GPC5: variants seen among roughly 807,000 people sequenced by gnomAD.
GPC5 encodes the protein glypican-5.
In GPC5, 47 loss-of-function variants were observed where a neutral mutation model predicts 53.9. The observed-to-expected ratio is 0.87, with a 90% confidence interval of 0.69 to 1.11. The LOEUF is 1.11. Ranked by LOEUF, GPC5 falls within the 50% of genes most tolerant of loss-of-function variation. GPC5 has a pLI of 0.00. For missense variants in GPC5, 748 were observed against 713.1 expected (o/e 1.05, Z -0.56); for synonymous variants, 286 against 263.3 (o/e 1.09, Z -0.84).
chr13:92,144,047 T>G (rs993287727), intron 6 of GPC5, among the ~76,000 whole-genome samples: 3 of 152,176 alleles, frequency 2.0e-5, no homozygotes, highest in African/African-American at 7.2e-5. Context: ...ACTATCTTAA[T>G]CAGGCTTAGT....
At chr13:92,483,679 ATT>A (rs1191239456) in intron 7 of GPC5, among the ~76,000 whole-genome samples, 2 of 152,106 alleles carry the variant, frequency 1.3e-5, no homozygotes, top group African/African-American at 4.8e-5. Flanking sequence ...TTACTTTATA[ATT>A]TTGTTTTTTA....
intron 6 of GPC5, among the ~76,000 whole-genome samples, chr13:91,990,364 T>G (rs1268590278): frequency 6.6e-6 from 1 of 152,176 alleles, no homozygotes; most frequent in East Asian, 1.9e-4. Context: ...TAATTATATT[T>G]TCTAAACCTC....
chr13:92,568,944 TACTTTA>T (rs1214651907), intron 7 of GPC5, among the ~76,000 whole-genome samples: 7 of 152,018 alleles, frequency 4.6e-5, no homozygotes, highest in Non-Finnish European at 1.0e-4. Context: ...ATTATTATTA[TACTTTA>T]ACTTTTAGGG....
intron 3 of GPC5, among the ~76,000 whole-genome samples, chr13:91,721,278 G>A (rs1298825249): frequency 6.6e-6 from 1 of 151,990 alleles, no homozygotes; most frequent in African/African-American, 2.4e-5. Context: ...GGACTTACAG[G>A]TGCCTGCCAC....
intron 6 of GPC5, among the ~76,000 whole-genome samples, chr13:92,034,720 T>C (rs2040879529): frequency 2.0e-5 from 3 of 152,174 alleles, no homozygotes; most frequent in Admixed American, 6.5e-5. Flanking sequence ...TTATTGATGA[T>C]GAGTGTTGAT....
intron 2 of GPC5, among the ~76,000 whole-genome samples, chr13:91,566,287 C>T (rs902015974): frequency 3.9e-5 from 6 of 152,028 alleles, no homozygotes; most frequent in South Asian, 2.1e-4. Context: ...AATTTCTGGC[C>T]GGGCGCGGTG....
chr13:92,598,494 T>C lies in GPC5; in HGVS notation c.1562-267788T>C, dbSNP rs537662950. ...CATGGGAACTTTATCTTCTAGATTA[T>C]GAAGATTTTTGTTGCTCTGATCCTC... On this transcript the variant is annotated intron_variant, in intron 7 of 7. Transcript: ENST00000377067. 6.6e-5 allele frequency among the ~76,000 whole-genome samples: 10 copies of C among 152,286 alleles called. No homozygotes were observed. In the South Asian group the frequency reaches 1.9e-3, roughly 28 times the overall value.
chr13:91,977,948 A>G (rs1248719258), intron 6 of GPC5, among the ~76,000 whole-genome samples: 2 of 30,138 alleles, frequency 6.6e-5, no homozygotes, highest in Non-Finnish European at 1.5e-4. Flanking sequence ...CGCCATCTCT[A>G]AAAGAAAAAA....
intron 2 of GPC5, among the ~76,000 whole-genome samples, chr13:91,460,790 T>C (rs1881881515): frequency 6.6e-6 from 1 of 152,046 alleles, no homozygotes; most frequent in African/African-American, 2.4e-5. Context: ...CTTGGGGGAA[T>C]ATCAGATTAA....
intron 2 of GPC5, among the ~76,000 whole-genome samples, chr13:91,638,975 GTAAAGA>G (rs2034352844): frequency 1.3e-5 from 2 of 152,148 alleles, no homozygotes; most frequent in South Asian, 4.1e-4. Flanking sequence ...CTTAAAGAAA[GTAAAGA>G]TAAATGTGAA....
At chr13:92,363,298 T>C (rs1404566560) in intron 7 of GPC5, among the ~76,000 whole-genome samples, 2 of 151,596 alleles carry the variant, frequency 1.3e-5, no homozygotes, top group Non-Finnish European at 2.9e-5. Flanking sequence ...CAGAAGGTTA[T>C]CATCTTAAGA....
intron 5 of GPC5, among the ~76,000 whole-genome samples, chr13:91,788,730 T>C (rs544020730): frequency 1.8e-4 from 28 of 152,236 alleles, no homozygotes; most frequent in Admixed American, 5.2e-4. Flanking sequence ...GATCAAGAAA[T>C]TGTTAAGTGT....
At chr13:92,141,486 G>A (rs930656133) in intron 6 of GPC5, among the ~76,000 whole-genome samples, 3 of 152,146 alleles carry the variant, frequency 2.0e-5, no homozygotes, top group African/African-American at 7.2e-5. Flanking sequence ...CAGGAAGGTG[G>A]TATCTTACAG....
In GPC5 at chr13:92,811,906, T is replaced by C. The variant is rs138542114; in HGVS notation, c.1562-54376T>C. ...CTAAGCATTCTTGTCAAAAATCAAT[T>C]GACCATAAATGTCAGGGTTTATGTC... is the stretch of plus-strand genomic sequence containing the variant. On this transcript the variant is annotated intron_variant, in intron 7 of 7. Coordinates refer to ENST00000377067, the MANE Select transcript of GPC5 (RefSeq NM_004466.6). Among the ~76,000 whole-genome samples, 39 of 152,106 alleles carry C rather than the reference T, an allele frequency of 2.6e-4. 2 individuals are homozygous for C. The highest frequency in any genetic ancestry group is 8.9e-4 in the African/African-American group (37 of 41,402).
intron 7 of GPC5, among the ~76,000 whole-genome samples, chr13:92,467,231 C>T (rs1878731186): frequency 6.6e-6 from 1 of 152,050 alleles, no homozygotes; most frequent in South Asian, 2.1e-4. Flanking sequence ...CGGAGCTTTT[C>T]AGACAGTGTT....
intron 2 of GPC5, among the ~76,000 whole-genome samples, chr13:91,561,410 GAA>G (rs2031253738): frequency 6.6e-6 from 1 of 152,002 alleles, no homozygotes; most frequent in Non-Finnish European, 1.5e-5. Context: ...TCAAAGACTT[GAA>G]AAAAGTCTTT....
At chr13:91,988,857 AT>A (rs1400395384) in intron 6 of GPC5, among the ~76,000 whole-genome samples, 1 of 150,076 alleles carries the variant, frequency 6.7e-6, no homozygotes, top group East Asian at 1.9e-4. Context: ...CAAAACCTCA[AT>A]TCTGGAGTGT....
intron 6 of GPC5, among the ~76,000 whole-genome samples, chr13:91,948,939 G>C (rs916438073): frequency 1.1e-4 from 17 of 152,146 alleles, no homozygotes; most frequent in African/African-American, 4.1e-4. Context: ...CATATGGTAT[G>C]TCAGTGGTAC....
At chr13:92,850,965 G>T (rs951217875) in intron 7 of GPC5, among the ~76,000 whole-genome samples, 2 of 152,144 alleles carry the variant, frequency 1.3e-5, no homozygotes, top group Non-Finnish European at 2.9e-5. Flanking sequence ...TTGGCTCATG[G>T]TTCTTTAGGC....
Sources: gnomAD v4.1 joint callset for allele counts (sites outside exome capture counted in the v4.1 genomes callset) on GRCh38, gnomAD v4.1.1 for gene constraint, MANE v1.5 for transcripts, NCBI Gene and HGNC (gene_info 2026-07-23, HGNC 2026-07-21) for gene names.